The following DRD3 variants were observed in gnomAD, a reference collection of about 807,000 sequenced individuals.
DRD3 encodes the protein D(3) dopamine receptor.
DRD3 carries 19 observed loss-of-function variants against 36.3 expected under a neutral mutation model. The ratio of observed to expected loss-of-function variants is 0.52; its 90% CI spans 0.36 to 0.77. The LOEUF (loss-of-function observed/expected upper bound fraction) is 0.77, where lower values mean the gene tolerates loss of function less well. Ranked by LOEUF, DRD3 falls within the 30% of genes least tolerant of loss-of-function variation. DRD3 has a pLI of 0.00. For missense variants in DRD3, 465 were observed against 505.3 expected (o/e 0.92, Z 0.77); for synonymous variants, 195 against 203.7 (o/e 0.96, Z 0.36).
At chr3:114,132,088 T>C (rs2077436164) in intron 5 of DRD3, among the ~76,000 whole-genome samples, 1 of 152,200 alleles carries the variant, frequency 6.6e-6, no homozygotes, top group African/African-American at 2.4e-5. Flanking sequence ...ATCATTCTAC[T>C]GTAAAGACAC....
At chr3:114,169,866 T>A (rs1393734509) in intron 2 of DRD3, among the ~76,000 whole-genome samples, 88 of 152,134 alleles carry the variant, frequency 5.8e-4, no homozygotes, top group Non-Finnish European at 2.9e-5. Flanking sequence ...CTAGAAATAA[T>A]CACAAATACA....
intron 2 of DRD3, 88 bp from the exon 3 acceptor site, chr3:114,159,955 G>A: frequency 8.8e-7 from 1 of 1,139,574 alleles, no homozygotes; most frequent in South Asian, 1.3e-5. Flanking sequence ...TTGCTGCCTA[G>A]TGTAGATGTT....
intron 6 of DRD3, 32 bp downstream of exon 6, chr3:114,131,086 A>G: frequency 1.9e-6 from 3 of 1,603,436 alleles, no homozygotes; most frequent in Non-Finnish European, 2.6e-6. Flanking sequence ...ACCTAACCCA[A>G]CCCAACACAG....
chr3:114,130,512 C>T (rs976140619), intron 6 of DRD3, among the ~76,000 whole-genome samples: 8 of 149,818 alleles, frequency 5.3e-5, no homozygotes, highest in Non-Finnish European at 1.2e-4. Flanking sequence ...GCAAGCTCTG[C>T]CTCCCAGGTT....
chr3:114,156,908 CTTCT>C lies in DRD3; in HGVS notation c.383+2843_383+2846del, dbSNP rs1360794377. ...TTCTTTTCTTCTCTTTTCTTCCTTC[CTTCT>C]TTCCTTCCTTCCTTCCTTCTCTTTC... On this transcript the variant is annotated intron_variant, in intron 3 of 6. Coordinates refer to ENST00000383673, the MANE Select transcript of DRD3 (RefSeq NM_000796.6). Among the ~76,000 whole-genome samples the C allele has an allele frequency of 4.7e-4, 60 of 128,020 alleles. 1 individual carries two copies. Among genetic ancestry groups the C allele is most frequent in the African/African-American group, 1.7e-3 (56 of 33,224 alleles). The allele number at this position is 128,020 out of a possible 152,430, so 84.0% of individuals were successfully genotyped here.
intron 3 of DRD3, among the ~76,000 whole-genome samples, chr3:114,153,114 G>A (rs973373858): frequency 6.6e-6 from 1 of 152,210 alleles, no homozygotes; most frequent in African/African-American, 2.4e-5. Context: ...GGACTGATCA[G>A]CTCTGAATCC....
intron 3 of DRD3, among the ~76,000 whole-genome samples, chr3:114,155,226 G>T (rs2077654648): frequency 6.6e-6 from 1 of 152,314 alleles, no homozygotes; most frequent in African/African-American, 2.4e-5. Flanking sequence ...GTCATCACAT[G>T]AACAGAATGT....
At chr3:114,168,011 C>A (rs549044653) in intron 2 of DRD3, among the ~76,000 whole-genome samples, 33 of 152,132 alleles carry the variant, frequency 2.2e-4, no homozygotes, top group Non-Finnish European at 4.0e-4. Flanking sequence ...GGAGCTGGTG[C>A]CCTGATGGAA....
rs556587211 is a variant in DRD3, at chr3:114,191,639, C to T, written c.-156+7634G>A. On this transcript the variant is annotated intron_variant, in intron 1 of 7. Transcript: ENST00000460779. ...AGATTACAGCAGGAGCAAGCCAGGG[C>T]GTGGGGAGGCTGTTACGGTAACTCA... Among the ~76,000 whole-genome samples, 26 of 152,248 alleles carry T rather than the reference C, an allele frequency of 1.7e-4. 1 individual carries two copies. The highest frequency in any genetic ancestry group is 2.9e-4 in the Non-Finnish European group (20 of 68,010).
chr3:114,192,960 TA>T (rs1335893601), intron 1 of DRD3, among the ~76,000 whole-genome samples: 1 of 151,726 alleles, frequency 6.6e-6, no homozygotes, highest in African/African-American at 2.4e-5. Flanking sequence ...ATTGGAAATT[TA>T]AAAAAAAGCG....
chr3:114,137,108 C>T (rs1299358195), intron 5 of DRD3, among the ~76,000 whole-genome samples: 1 of 152,166 alleles, frequency 6.6e-6, no homozygotes, highest in Non-Finnish European at 1.5e-5. Context: ...AATTTCAGAT[C>T]TTGTCTTATA....
chr3:114,147,711 C>A (rs1325138749), intron 3 of DRD3, among the ~76,000 whole-genome samples, 154 bp from the exon 4 acceptor site: 9 of 152,178 alleles, frequency 5.9e-5, no homozygotes, highest in African/African-American at 2.2e-4. Flanking sequence ...TGCAGTTCAA[C>A]TCCTGGGATC....
intron 4 of DRD3, among the ~76,000 whole-genome samples, chr3:114,140,283 G>A (rs776464090): frequency 6.6e-6 from 1 of 152,236 alleles, no homozygotes; most frequent in African/African-American, 2.4e-5. Context: ...CCCAGCACTT[G>A]TCAGAGGTGG....
Position 114,145,443 on chromosome 3 carries a change from G to A in DRD3, c.526+1972C>T, listed in dbSNP as rs9860086. Among the ~76,000 whole-genome samples, 470 of 152,246 alleles carry A rather than the reference G, an allele frequency of 3.1e-3. 3 individuals carry two copies. The highest frequency in any genetic ancestry group is 9.8e-3 in the African/African-American group (405 of 41,538). On this transcript the variant is annotated intron_variant, in intron 4 of 6. Coordinates refer to ENST00000383673, the MANE Select transcript of DRD3 (RefSeq NM_000796.6). Reference sequence around the variant, plus strand: ...AAAGTAATGAAAGGTAAACAGTAACGCAAAGATAACATCACCATATTTTGA... The same window carrying A: ...AAAGTAATGAAAGGTAAACAGTAACACAAAGATAACATCACCATATTTTGA...
intron 6 of DRD3, 105 bp downstream of exon 6, chr3:114,131,013 A>C: frequency 7.7e-7 from 1 of 1,301,992 alleles, no homozygotes; most frequent in Non-Finnish European, 1.0e-6. Flanking sequence ...TGAACATTTG[A>C]TAAGTATTAC....
intron 3 of DRD3, among the ~76,000 whole-genome samples, chr3:114,152,203 A>G (rs1378230626): frequency 2.0e-5 from 3 of 152,006 alleles, no homozygotes; most frequent in Non-Finnish European, 2.9e-5. Context: ...GTAGTCTTTT[A>G]TCCCTCACCC....
rs116827543 is a variant in DRD3, at chr3:114,194,836, T to G, written c.-156+4437A>C. The stretch of plus-strand genomic sequence containing the variant: ...GGGCATCTTGCAAAGATTTTTTTTT[T>G]TTTTTGAAACCACTTAAGTAAAACA... On this transcript the variant is annotated intron_variant, in intron 1 of 7. Coordinates refer to the DRD3 transcript ENST00000460779. Among the ~76,000 whole-genome samples, 648 of 152,178 alleles carry G rather than the reference T, an allele frequency of 4.3e-3. 1 individual carries two copies. Among genetic ancestry groups the G allele is most frequent in the African/African-American group, 0.015 (627 of 41,536 alleles).
At chr3:114,176,258 G>T (rs1055144980) in intron 1 of DRD3, 1 of 152,172 alleles carries the variant, frequency 6.6e-6, no homozygotes, top group Non-Finnish European at 1.5e-5. Context: ...GCAAGTATGA[G>T]TACTTTACAT....
chr3:114,130,632 C>T (rs1279482277), intron 6 of DRD3, among the ~76,000 whole-genome samples: 1 of 151,982 alleles, frequency 6.6e-6, no homozygotes, highest in South Asian at 2.1e-4. Flanking sequence ...ACCGTGTTAG[C>T]CAGGATGGTC....
Sources: gnomAD v4.1 joint callset for allele counts (sites outside exome capture counted in the v4.1 genomes callset) on GRCh38, gnomAD v4.1.1 for gene constraint, MANE v1.5 for transcripts, NCBI Gene and HGNC (gene_info 2026-07-23, HGNC 2026-07-21) for gene names.